Variants in GLRA3 observed in about 807,000 individuals in gnomAD.
GLRA3 encodes the protein glycine receptor subunit alpha-3.
In GLRA3, 44 loss-of-function variants were observed where a neutral mutation model predicts 60.4. The observed-to-expected ratio is 0.73, with a 90% CI of 0.57 to 0.94. The LOEUF (loss-of-function observed/expected upper bound fraction) is 0.94, where lower values mean the gene tolerates loss of function less well. Ranked by LOEUF, GLRA3 falls within the 40% of genes least tolerant of loss-of-function variation. The pLI, the probability that GLRA3 is intolerant of heterozygous loss-of-function variation, is 0.00. For synonymous variants in GLRA3, 223 were observed against 192.9 expected (o/e 1.16, Z -1.29); for missense variants, 508 against 564.6 (o/e 0.90, Z 1.02).
At chr4:174,683,038 C>G (rs1392545091) in intron 5 of GLRA3, 99 bp from the exon 6 acceptor site, 6 of 881,652 alleles carry the variant, frequency 6.8e-6, no homozygotes, top group African/African-American at 1.7e-5. Context: ...GAAGACCAAA[C>G]AGTGTCATCT....
intron 7 of GLRA3, among the ~76,000 whole-genome samples, chr4:174,671,068 T>C (rs1561045066): frequency 6.6e-6 from 1 of 152,098 alleles, no homozygotes; most frequent in Non-Finnish European, 1.5e-5. Flanking sequence ...CCATGAACAT[T>C]TAAAAAATTT....
At chr4:174,680,575 A>C (rs889187953) in intron 6 of GLRA3, among the ~76,000 whole-genome samples, 4 of 152,136 alleles carry the variant, frequency 2.6e-5, no homozygotes, top group South Asian at 2.1e-4. Flanking sequence ...GCAAGAGCAA[A>C]GGCCCTGAGA....
At chr4:174,710,374 T>C (rs902637760) in intron 5 of GLRA3, among the ~76,000 whole-genome samples, 3 of 152,164 alleles carry the variant, frequency 2.0e-5, no homozygotes, top group Non-Finnish European at 4.4e-5. Flanking sequence ...ACATCAGCTC[T>C]GATCTACTTT....
At position 174,725,835 on chromosome 4, in the gene GLRA3, A is replaced by G. The variant is rs146286951; in HGVS notation, c.491+2640T>C. Among the ~76,000 whole-genome samples, 763 of 152,340 alleles carry G rather than the reference A, an allele frequency of 5.0e-3. 10 individuals are homozygous for G. Among genetic ancestry groups the G allele is most frequent in the African/African-American group, 0.017 (705 of 41,586 alleles). On this transcript the variant is annotated intron_variant, in intron 4 of 9. Coordinates refer to ENST00000274093, the MANE Select transcript of GLRA3 (RefSeq NM_006529.4). ...CAGTTGATTGTCTTTTTCCAGAATT[A>G]TTGAACATTTATGGTTCTTTGTATG...
At chr4:174,676,852 T>C (rs1435415356) in intron 7 of GLRA3, among the ~76,000 whole-genome samples, 1 of 152,166 alleles carries the variant, frequency 6.6e-6, no homozygotes, top group Non-Finnish European at 1.5e-5. Flanking sequence ...ATTTAAATAA[T>C]TGGGAATAAT....
At chr4:174,802,100 A>G (rs1282198899) in intron 1 of GLRA3, among the ~76,000 whole-genome samples, 4 of 152,014 alleles carry the variant, frequency 2.6e-5, no homozygotes, top group African/African-American at 9.7e-5. Flanking sequence ...TGATCCTCCA[A>G]ACCAACCAGT....
chr4:174,793,768 G>T (rs1275387338), intron 1 of GLRA3, among the ~76,000 whole-genome samples: 2 of 152,084 alleles, frequency 1.3e-5, no homozygotes, highest in Admixed American at 6.6e-5. Flanking sequence ...AAACTGTAGA[G>T]TAAATATTCT....
intron 7 of GLRA3, among the ~76,000 whole-genome samples, chr4:174,660,614 T>C (rs372804675): frequency 2.0e-5 from 3 of 152,220 alleles, no homozygotes; most frequent in African/African-American, 2.4e-5. Context: ...ATAAGTATTC[T>C]GTTACTCTTT....
At position 174,643,989 on chromosome 4, in the gene GLRA3, T is replaced by G; in HGVS notation, c.1192A>C (p.Met398Leu). The G allele has an allele frequency of 6.2e-7, 1 of 1,613,958 alleles. No homozygotes were observed. The highest frequency in any genetic ancestry group is 1.1e-5 in the South Asian group (1 of 91,072). The change falls in exon 10 of 10, where the codon ATG becomes CTG. Residue 398 changes from methionine to leucine, a missense_variant. Physicochemically the swap from Met to Leu is conservative, Grantham distance 15 (BLOSUM62 2). Coordinates refer to ENST00000274093, the MANE Select transcript of GLRA3 (RefSeq NM_006529.4). Reference sequence around the variant, plus strand: ...GGGTGGTTGGGGCCCTTTGGAGTCATGCCATCCTTTGCTTGTAGACATGGT... The same window carrying G: ...GGGTGGTTGGGGCCCTTTGGAGTCAGGCCATCCTTTGCTTGTAGACATGGT... ...MGPCLQAKDG[M>L]TPKGPNHPVQ...
chr4:174,698,875 TA>T (rs1366497228), intron 5 of GLRA3, among the ~76,000 whole-genome samples: 4 of 152,146 alleles, frequency 2.6e-5, no homozygotes, highest in Admixed American at 1.3e-4. Flanking sequence ...CACAGTATAA[TA>T]AAAACTGATG....
chr4:174,638,936 G>C lies in GLRA3; in HGVS notation c.*4850C>G, dbSNP rs955733641. 18 of 152,146 alleles carry C rather than the reference G, an allele frequency of 1.2e-4. No homozygotes were observed. Among genetic ancestry groups the C allele is most frequent in the Admixed American group, 3.3e-4 (5 of 15,284 alleles). The allele number at this position is 152,146 out of a possible 1,614,324, so 9.4% of individuals were successfully genotyped here. Reference sequence around the variant, plus strand: ...GTAAGGAATTCCAACACATAGCCAGGGTTCAAAATCACTTTTTAAAAATAA... The same window carrying C: ...GTAAGGAATTCCAACACATAGCCAGCGTTCAAAATCACTTTTTAAAAATAA... On this transcript the variant is annotated 3_prime_UTR_variant, in exon 10 of 10. Coordinates refer to ENST00000274093, the MANE Select transcript of GLRA3 (RefSeq NM_006529.4).
intron 9 of GLRA3, among the ~76,000 whole-genome samples, chr4:174,650,467 G>A (rs1307505990): frequency 6.6e-6 from 1 of 152,102 alleles, no homozygotes; most frequent in African/African-American, 2.4e-5. Flanking sequence ...TGGCTGCTAG[G>A]ATTCTAGACT....
chr4:174,810,872 C>T (rs929789324), intron 1 of GLRA3, among the ~76,000 whole-genome samples: 10 of 152,134 alleles, frequency 6.6e-5, no homozygotes, highest in African/African-American at 2.4e-4. Flanking sequence ...TTTGTCAAAT[C>T]CGTGAAATAG....
In GLRA3 at chr4:174,823,198, A is replaced by G. The variant is rs79103674; in HGVS notation, c.71+5543T>C. ...CCATTTCCCCAAGCAAAATAAAGCC[A>G]CAGGCTGTACCATCCACCTAATAAA... On this transcript the variant is annotated intron_variant, in intron 1 of 9. Coordinates refer to ENST00000274093, the MANE Select transcript of GLRA3 (RefSeq NM_006529.4). Among the ~76,000 whole-genome samples, 367 of 151,934 alleles carry G rather than the reference A, an allele frequency of 2.4e-3. 3 individuals carry two copies. Among genetic ancestry groups the G allele is most frequent in the African/African-American group, 8.4e-3 (350 of 41,422 alleles).
intron 3 of GLRA3, among the ~76,000 whole-genome samples, chr4:174,752,181 G>A (rs1737512697): frequency 6.6e-6 from 1 of 152,104 alleles, no homozygotes; most frequent in Non-Finnish European, 1.5e-5. Flanking sequence ...TTCTTGAGAT[G>A]CATATATAAC....
chr4:174,735,000 T>C (rs1291354558), intron 3 of GLRA3, among the ~76,000 whole-genome samples: 2 of 152,182 alleles, frequency 1.3e-5, no homozygotes, highest in Non-Finnish European at 2.9e-5. Context: ...AAATAGTAAT[T>C]TTTGTTGCTC....
chr4:174,658,051 T>A (rs546344502), intron 8 of GLRA3, among the ~76,000 whole-genome samples: 1 of 152,262 alleles, frequency 6.6e-6, no homozygotes, highest in South Asian at 2.1e-4. Flanking sequence ...AGAAGTTTAA[T>A]CAATACATAA....
At chr4:174,695,266 A>G (rs1259927652) in intron 5 of GLRA3, among the ~76,000 whole-genome samples, 1 of 152,016 alleles carries the variant, frequency 6.6e-6, no homozygotes, top group East Asian at 1.9e-4. Context: ...TGATACTAAA[A>G]CCTGGCAAAG....
chr4:174,757,404 G>A (rs1737763228), intron 3 of GLRA3, among the ~76,000 whole-genome samples: 1 of 152,034 alleles, frequency 6.6e-6, no homozygotes, highest in Non-Finnish European at 1.5e-5. Flanking sequence ...CCAATTAAAA[G>A]AAAAAGAATT....
Sources: allele counts gnomAD v4.1 joint callset (sites outside exome capture counted in the v4.1 genomes callset), GRCh38; gene constraint gnomAD v4.1.1; transcripts MANE v1.5; gene names NCBI Gene and HGNC (gene_info 2026-07-23, HGNC 2026-07-21).